The following SLC14A2 variants were observed in gnomAD, a reference collection of about 807,000 sequenced individuals.
SLC14A2 encodes the protein solute carrier family 14 member 2, also known as urea transporter 2.
SLC14A2 carries 91 observed loss-of-function variants against 104.6 expected under a neutral mutation model. The observed-to-expected ratio is 0.87, with a 90% CI of 0.73 to 1.04. SLC14A2 has a LOEUF of 1.04. Ranked by LOEUF, SLC14A2 falls within the 50% of genes least tolerant of loss-of-function variation. The pLI is 0.00. For missense variants in SLC14A2, 1,189 were observed against 1,156.0 expected (o/e 1.03, Z -0.41); for synonymous variants, 476 against 466.4 (o/e 1.02, Z -0.27).
At chr18:45,404,111 T>G (rs1039473094) in intron 1 of SLC14A2, among the ~76,000 whole-genome samples, 6 of 152,214 alleles carry the variant, frequency 3.9e-5, no homozygotes, top group African/African-American at 9.6e-5. Context: ...CTTCCCAATT[T>G]GAGAGGTTCT....
At chr18:45,385,063 T>C (rs536684180) in intron 1 of SLC14A2, among the ~76,000 whole-genome samples, 1 of 152,314 alleles carries the variant, frequency 6.6e-6, no homozygotes, top group African/African-American at 2.4e-5. Context: ...ATTGTCCTCC[T>C]CAGAGATGAA....
intron 1 of SLC14A2, among the ~76,000 whole-genome samples, chr18:45,380,296 A>G (rs1343804867): frequency 2.0e-5 from 3 of 152,222 alleles, no homozygotes; most frequent in Non-Finnish European, 2.9e-5. Context: ...AAAGACCATC[A>G]GGAAAATATC....
chr18:45,261,677 T>G (rs57980829), intron 1 of SLC14A2, among the ~76,000 whole-genome samples: 1 of 151,766 alleles, frequency 6.6e-6, no homozygotes, highest in South Asian at 2.1e-4. Context: ...TTTGTCCTTG[T>G]GGTAGTTTAC....
chr18:45,168,596 A>G, the SLC14A2 span: 5 of 152,356 alleles, frequency 3.3e-5, no homozygotes, highest in African/African-American at 1.2e-4. Flanking sequence ...TTGGAAGCAT[A>G]GAATTTACGT....
chr18:45,489,762 G>A (rs957472875), intron 2 of SLC14A2: 2 of 152,186 alleles, frequency 1.3e-5, no homozygotes, highest in African/African-American at 2.4e-5. Context: ...AGAAAGGAGT[G>A]TCACAAAGTG....
At chr18:45,399,207 G>A (rs2086068733) in intron 1 of SLC14A2, among the ~76,000 whole-genome samples, 1 of 152,208 alleles carries the variant, frequency 6.6e-6, no homozygotes, top group Admixed American at 6.5e-5. Flanking sequence ...AACCCAGGCA[G>A]TCTGGCTTCT....
chr18:45,258,219 T>C (rs766863743), intron 1 of SLC14A2, among the ~76,000 whole-genome samples: 1 of 104,306 alleles, frequency 9.6e-6, no homozygotes, highest in Non-Finnish European at 2.0e-5. Context: ...AAGCCTGGAC[T>C]CTGCACGCTC....
intron 2 of SLC14A2, among the ~76,000 whole-genome samples, chr18:45,558,380 T>G (rs2852302): frequency 6.6e-6 from 1 of 152,276 alleles, no homozygotes; most frequent in Non-Finnish European, 1.5e-5. Context: ...CCCAGCTAAA[T>G]AGTAAGCACT....
chr18:45,225,085 C>T (rs1016684806), intron 1 of SLC14A2, among the ~76,000 whole-genome samples: 1 of 152,230 alleles, frequency 6.6e-6, no homozygotes, highest in Non-Finnish European at 1.5e-5. Context: ...GTCCTGAATG[C>T]TATTGCCTAG....
At chr18:45,414,354 G>A (rs2144499272) in intron 1 of SLC14A2, among the ~76,000 whole-genome samples, 1 of 152,200 alleles carries the variant, frequency 6.6e-6, no homozygotes, top group South Asian at 2.1e-4. Flanking sequence ...AAATAATAAT[G>A]GCACACTCAG....
Position 45,424,670 on chromosome 18 carries a change from G to T in SLC14A2, c.-124-58563G>T, listed in dbSNP as rs118178019. On this transcript the variant is annotated intron_variant, in intron 1 of 20. Transcript: ENST00000586448. ...TTTCAAACATGCTGTGAAGTAAACA[G>T]ACTCTATTATAACGTGTTTACAAAT... Among the ~76,000 whole-genome samples, 1,324 of 152,292 alleles carry T rather than the reference G, an allele frequency of 8.7e-3. 19 individuals carry two copies. The highest frequency in any genetic ancestry group is 0.072 in the South Asian group (348 of 4,820).
chr18:45,637,217 A>G lies in SLC14A2; in HGVS notation c.843+35A>G, dbSNP rs1202548741. 3 of 1,564,856 alleles carry G rather than the reference A, an allele frequency of 1.9e-6. No homozygotes were observed. The Admixed American group carries it at 5.1e-5, about 27-fold the overall frequency. ...CCAGCGGTGATGAGTTGAGACCCCC[A>G]TATTCCACTGCAGACCTTCTCGCCA... On this transcript the variant is annotated intron_variant, in intron 6 of 19. Transcript: ENST00000255226.
chr18:45,374,619 GAGGCAAAACTAAGATC>G (rs1396822890), intron 1 of SLC14A2, among the ~76,000 whole-genome samples: 2 of 150,266 alleles, frequency 1.3e-5, no homozygotes, highest in African/African-American at 4.9e-5. Flanking sequence ...TGTGCTATTA[GAGGCAAAACTAAGATC>G]ACAAGCCAGT....
At chr18:45,515,091 C>T (rs1470545165) in intron 2 of SLC14A2, among the ~76,000 whole-genome samples, 1 of 152,234 alleles carries the variant, frequency 6.6e-6, no homozygotes, top group African/African-American at 2.4e-5. Flanking sequence ...ATACCACTCA[C>T]ACACATGTTA....
intron 1 of SLC14A2, among the ~76,000 whole-genome samples, chr18:45,473,372 T>G (rs1391051089): frequency 2.0e-5 from 3 of 152,234 alleles, no homozygotes; most frequent in African/African-American, 7.2e-5. Flanking sequence ...TCTTTTTTGG[T>G]TCCATGTGAA....
chr18:45,527,915 G>T (rs1297790306), intron 2 of SLC14A2: 1 of 152,164 alleles, frequency 6.6e-6, no homozygotes, highest in Admixed American at 6.5e-5. Context: ...CCTTATTGAT[G>T]TGAAGTCTTG....
chr18:45,662,800 G>C (rs1487077865), intron 10 of SLC14A2, among the ~76,000 whole-genome samples: 1 of 152,098 alleles, frequency 6.6e-6, no homozygotes, highest in African/African-American at 2.4e-5. Flanking sequence ...TCTAACTCTA[G>C]TGTGTACTGG....
chr18:45,585,624 T>G (rs2044555273), intron 2 of SLC14A2, among the ~76,000 whole-genome samples: 7 of 152,198 alleles, frequency 4.6e-5, no homozygotes, highest in Admixed American at 4.6e-4. Context: ...AGATCCAGCT[T>G]AGTTCCCCTG....
intron 2 of SLC14A2, among the ~76,000 whole-genome samples, chr18:45,574,533 T>G (rs899916070): frequency 4.6e-5 from 7 of 152,134 alleles, no homozygotes; most frequent in African/African-American, 1.7e-4. Context: ...TCTCTGCAGG[T>G]TGACACAATA....
Sources: allele counts gnomAD v4.1 joint callset (sites outside exome capture counted in the v4.1 genomes callset), GRCh38; gene constraint gnomAD v4.1.1; transcripts MANE v1.5; gene names NCBI Gene and HGNC (gene_info 2026-07-23, HGNC 2026-07-21).